Variants in PNPLA8 observed in about 807,000 individuals in gnomAD.
PNPLA8 encodes calcium-independent phospholipase A2-gamma.
A neutral mutation model predicts 76.9 loss-of-function variants in PNPLA8; 39 were observed. That is an observed-to-expected ratio of 0.51 (90% CI 0.39 to 0.66). The LOEUF is 0.66. Ranked by LOEUF, PNPLA8 falls within the 30% of genes least tolerant of loss-of-function variation. The probability of loss-of-function intolerance (pLI) is 0.00; values close to 1 mark genes in which losing one functional copy is unlikely to be tolerated. For missense variants in PNPLA8, 887 were observed against 918.0 expected (o/e 0.97, Z 0.44); for synonymous variants, 301 against 307.9 (o/e 0.98, Z 0.24).
At chr7:108,472,812 A>G (rs1859716578) in intron 10 of PNPLA8, 137 bp from the exon 11 acceptor site, 2 of 569,190 alleles carry the variant, frequency 3.5e-6, no homozygotes, top group East Asian at 6.2e-5. Context: ...TCATTATTCA[A>G]ACTGACAGTA....
chr7:108,521,872 C>A (rs1280115792), intron 1 of PNPLA8, among the ~76,000 whole-genome samples: 1 of 152,122 alleles, frequency 6.6e-6, no homozygotes, highest in East Asian at 1.9e-4. Context: ...CTGAACAGAC[C>A]CCTCCTCTTG....
chr7:108,523,134 G>A (rs955246409), intron 1 of PNPLA8, among the ~76,000 whole-genome samples: 1 of 152,128 alleles, frequency 6.6e-6, no homozygotes, highest in Non-Finnish European at 1.5e-5. Context: ...AAAACAAAAC[G>A]GAGAGGCTGG....
intron 10 of PNPLA8, among the ~76,000 whole-genome samples, chr7:108,478,446 A>T (rs1860151439): frequency 6.6e-6 from 1 of 152,164 alleles, no homozygotes; most frequent in Admixed American, 6.6e-5. Flanking sequence ...GCTAGAGTAT[A>T]GTGGCACAAT....
chr7:108,504,421 G>A (rs899759903), intron 4 of PNPLA8, among the ~76,000 whole-genome samples: 6 of 129,904 alleles, frequency 4.6e-5, no homozygotes, highest in Non-Finnish European at 1.0e-4. Flanking sequence ...TCATTCCAAT[G>A]GAAGATGTAA....
intron 10 of PNPLA8, among the ~76,000 whole-genome samples, chr7:108,473,642 T>A (rs530222858): frequency 6.6e-6 from 1 of 152,348 alleles, no homozygotes; most frequent in African/African-American, 2.4e-5. Context: ...TAATGACTAA[T>A]TATGTTGAGA....
chr7:108,493,568 C>CTTTTTTTTTTT (rs34935118), intron 7 of PNPLA8, among the ~76,000 whole-genome samples: 420 of 81,188 alleles, frequency 5.2e-3, no homozygotes, highest in Non-Finnish European at 6.4e-3. Flanking sequence ...CCATGCCTGG[C>CTTTTTTTTTTT]TTTTTTTTTT....
At position 108,515,513 on chromosome 7, in the gene PNPLA8, C is replaced by A; in HGVS notation, c.-22G>T. ...ACATAACTTAAAAATCATTTATTTT[C>A]TATGACATTCTCTCACTTCTTGAAC... On this transcript the variant is annotated 5_prime_UTR_variant, in exon 3 of 11. It removes the in-frame stop codon of an upstream open reading frame in the 5' UTR. Coordinates refer to ENST00000257694, the MANE Select transcript of PNPLA8 (RefSeq NM_001256007.3). 7.3e-7 allele frequency: 1 copy of A among 1,371,806 alleles called. No individual in the cohort carries two copies. Among genetic ancestry groups the A allele is most frequent in the South Asian group, 2.1e-5 (1 of 46,892 alleles). 85.0% of individuals were successfully genotyped at this position (1,371,806 alleles called of 1,614,324 possible).
chr7:108,497,344 C>CAA (rs946283043), intron 6 of PNPLA8, 139 bp downstream of exon 6: 18 of 544,664 alleles, frequency 3.3e-5, no homozygotes, highest in Non-Finnish European at 5.7e-5. Flanking sequence ...GAACAAAAGA[C>CAA]AAAAAAGGAA....
chr7:108,480,326 C>T (rs1419146264), intron 9 of PNPLA8, among the ~76,000 whole-genome samples: 1 of 152,164 alleles, frequency 6.6e-6, no homozygotes, highest in Non-Finnish European at 1.5e-5. Context: ...TGAGATCACA[C>T]CACTGCACTC....
At chr7:108,520,879 T>C (rs1462643277) in intron 2 of PNPLA8, among the ~76,000 whole-genome samples, 1 of 152,018 alleles carries the variant, frequency 6.6e-6, no homozygotes, top group Non-Finnish European at 1.5e-5. Flanking sequence ...CATAAATACA[T>C]ACACCTTTAT....
intron 4 of PNPLA8, chr7:108,510,507 T>A: frequency 7.2e-7 from 1 of 1,379,848 alleles, no homozygotes; most frequent in South Asian, 1.2e-5. Context: ...GCATTTGTCA[T>A]CAGAATCAGA....
Position 108,491,477 on chromosome 7 carries a change from A to C in PNPLA8, c.1626-10T>G. 1 of 1,562,666 alleles carries C rather than the reference A, an allele frequency of 6.4e-7. No individual in the cohort carries two copies. The highest frequency in any genetic ancestry group is 2.2e-5 in the East Asian group (1 of 44,558). On this transcript the variant is annotated splice_polypyrimidine_tract_variant and intron_variant, in intron 7 of 10. Transcript: ENST00000257694. ...AGATCCCATCCTATCCCTTTATTAA[A>C]GGAGAAAAAAATAAGTTATATCAAA...
At chr7:108,502,678 C>A in intron 4 of PNPLA8, 36 bp from the exon 5 acceptor site, 1 of 1,493,304 alleles carries the variant, frequency 6.7e-7, no homozygotes, top group South Asian at 1.2e-5. Context: ...TTGCTTTTGT[C>A]AAATCAAGAC....
Position 108,491,457 on chromosome 7 carries a change from C to T in PNPLA8, c.1636G>A (p.Gly546Arg). The T allele has an allele frequency of 6.3e-7, 1 of 1,597,756 alleles. No homozygotes were observed. The change falls in exon 8 of 11, where the codon GGA becomes AGA. Residue 546 changes from glycine to arginine, a missense_variant. By Grantham distance (125) the Gly-to-Arg change is moderately radical. Coordinates refer to ENST00000257694, the MANE Select transcript of PNPLA8 (RefSeq NM_001256007.3). The part of the protein sequence containing the change: ...TWENILKDRM[G>R]SALMIETARN... Reference sequence around the variant, plus strand: ...GCTGTTTCAATCATCAGTGCAGATCCCATCCTATCCCTTTATTAAAGGAGA... The same window carrying T: ...GCTGTTTCAATCATCAGTGCAGATCTCATCCTATCCCTTTATTAAAGGAGA...
intron 8 of PNPLA8, among the ~76,000 whole-genome samples, chr7:108,490,178 C>A (rs1006301030): frequency 6.9e-6 from 1 of 144,036 alleles, no homozygotes; most frequent in Non-Finnish European, 1.5e-5. Flanking sequence ...TCAGTATAGT[C>A]ACCTGCTGTA....
chr7:108,519,647 G>C (rs1316356716), intron 2 of PNPLA8, among the ~76,000 whole-genome samples: 1 of 152,118 alleles, frequency 6.6e-6, no homozygotes, highest in African/African-American at 2.4e-5. Flanking sequence ...TTGTCTTCCA[G>C]GCTGAAGGAG....
intron 9 of PNPLA8, among the ~76,000 whole-genome samples, chr7:108,479,968 TGTA>T (rs1420790260): frequency 2.0e-5 from 3 of 152,174 alleles, no homozygotes; most frequent in African/African-American, 4.8e-5. Flanking sequence ...ACTATAAAAA[TGTA>T]GTAGAGTAAA....
At chr7:108,498,797 T>G (rs1203765330) in intron 5 of PNPLA8, among the ~76,000 whole-genome samples, 2 of 152,156 alleles carry the variant, frequency 1.3e-5, no homozygotes, top group African/African-American at 2.4e-5. Context: ...TAAACTGTCA[T>G]GTGTGTATCA....
chr7:108,513,519 T>C (rs908200250), intron 4 of PNPLA8, among the ~76,000 whole-genome samples: 10 of 152,098 alleles, frequency 6.6e-5, no homozygotes, highest in African/African-American at 2.4e-4. Flanking sequence ...ATCATTATGA[T>C]ATTTTCAAAT....
Sources: gnomAD v4.1 joint callset for allele counts (sites outside exome capture counted in the v4.1 genomes callset) on GRCh38, gnomAD v4.1.1 for gene constraint, MANE v1.5 for transcripts, NCBI Gene and HGNC (gene_info 2026-07-23, HGNC 2026-07-21) for gene names.